Variants in FAAH2 observed in about 807,000 individuals in gnomAD.
FAAH2 encodes fatty acid amide hydrolase 2, also known as fatty-acid amide hydrolase 2.
FAAH2 carries 60 observed loss-of-function variants against 36.9 expected under a neutral mutation model. The observed-to-expected ratio is 1.63, with a 90% CI of 1.32 to 2.02. The LOEUF is 2.02. Ranked by LOEUF, FAAH2 falls within the 30% of genes most tolerant of loss-of-function variation. The pLI, the probability that FAAH2 is intolerant of heterozygous loss-of-function variation, is 0.00. For missense variants in FAAH2, 689 were observed against 397.5 expected (o/e 1.73, Z -6.23); for synonymous variants, 214 against 143.8 (o/e 1.49, Z -3.49).
chrX:57,177,356 A>G, the FAAH2 span, among the ~76,000 whole-genome samples: 10 of 106,852 alleles, frequency 9.4e-5, no homozygotes, highest in Non-Finnish European at 1.7e-4. Flanking sequence ...CCAAGTAGAG[A>G]AAGATTGTGA....
chrX:57,214,117 A>G, the FAAH2 span, among the ~76,000 whole-genome samples: 1 of 111,791 alleles, frequency 8.9e-6, no homozygotes, highest in Non-Finnish European at 1.9e-5. Context: ...ATATAAGTAT[A>G]GCTACTCTTC....
At chrX:57,404,348 T>C (rs1469654747) in intron 7 of FAAH2, among the ~76,000 whole-genome samples, 2 of 112,402 alleles carry the variant, frequency 1.8e-5, no homozygotes, top group Non-Finnish European at 3.8e-5. Flanking sequence ...TGTAGATGGA[T>C]TTTGGAAACA....
At chrX:57,286,009 T>C (rs2051804580), upstream of FAAH2, among the ~76,000 whole-genome samples, 1 of 111,676 alleles carries the variant, frequency 9.0e-6, no homozygotes, top group South Asian at 3.8e-4. Context: ...GAAGTGATTC[T>C]AGATTTTTGG....
chrX:57,323,278 G>T (rs930758407), intron 3 of FAAH2, among the ~76,000 whole-genome samples: 1 of 111,513 alleles, frequency 9.0e-6, no homozygotes, highest in Non-Finnish European at 1.9e-5. Context: ...ATTGTGAATA[G>T]TGTCACAATA....
the FAAH2 span, among the ~76,000 whole-genome samples, chrX:57,253,858 G>T: frequency 8.9e-6 from 1 of 111,770 alleles, no homozygotes; most frequent in Admixed American, 9.5e-5. Context: ...TGAAGAAATT[G>T]CATTAATTAA....
intron 3 of FAAH2, among the ~76,000 whole-genome samples, chrX:57,329,173 G>A (rs956664825): frequency 8.9e-6 from 1 of 112,360 alleles, no homozygotes; most frequent in Non-Finnish European, 1.9e-5. Flanking sequence ...ACAGCAATTG[G>A]CAATATTGAC....
intron 2 of FAAH2, among the ~76,000 whole-genome samples, chrX:57,303,811 A>G (rs1305813548): frequency 8.9e-6 from 1 of 112,135 alleles, no homozygotes; most frequent in Admixed American, 9.5e-5. Context: ...AACATAAGTA[A>G]GCTTCTAAAA....
At chrX:57,323,180 C>T (rs1286474520) in intron 3 of FAAH2, among the ~76,000 whole-genome samples, 1 of 111,166 alleles carries the variant, frequency 9.0e-6, no homozygotes, top group Admixed American at 9.6e-5. Flanking sequence ...TTTTTATGGC[C>T]ACATACTATT....
chrX:57,470,303 A>C (rs941097706), intron 10 of FAAH2, among the ~76,000 whole-genome samples: 1 of 111,648 alleles, frequency 9.0e-6, no homozygotes, highest in Non-Finnish European at 1.9e-5. Flanking sequence ...ATATCAACGA[A>C]TCCAGGAGCT....
At chrX:57,159,248 T>C in the FAAH2 span, among the ~76,000 whole-genome samples, 1 of 111,955 alleles carries the variant, frequency 8.9e-6, no homozygotes, top group African/African-American at 3.2e-5. Flanking sequence ...TGTAGCCTTG[T>C]AGTATAGTTT....
Position 57,292,541 on chromosome X carries a change from A to C in FAAH2, c.236A>C (p.Lys79Thr), listed in dbSNP as rs1569234826. The C allele has an allele frequency of 1.7e-6, 2 of 1,210,651 alleles. No individual in the cohort carries two copies. Among genetic ancestry groups the C allele is most frequent in the Non-Finnish European group, 2.2e-6 (2 of 894,711 alleles). The part of the protein sequence containing the change: ...DVVQAYINRI[K>T]DVNPMINGIV... ...GTTCAGGCTTATATCAACAGAATCAAGGACGTGAACCCAATGATCAATGGA... is the reference window on the plus strand; with the variant it reads ...GTTCAGGCTTATATCAACAGAATCACGGACGTGAACCCAATGATCAATGGA... The change falls in exon 2 of 11, where the codon AAG becomes ACG. Residue 79 changes from lysine (K) to threonine (T), a missense_variant. Physicochemically the swap from Lys to Thr is moderately conservative, Grantham distance 78 (BLOSUM62 -1). Coordinates refer to ENST00000374900, the MANE Select transcript of FAAH2 (RefSeq NM_174912.4).
At chrX:57,202,078 C>T in the FAAH2 span, among the ~76,000 whole-genome samples, 1 of 74,112 alleles carries the variant, frequency 1.3e-5, no homozygotes, top group Non-Finnish European at 2.1e-5. Context: ...CCTCACACAG[C>T]TATTTATAAA....
chrX:57,224,107 C>T, the FAAH2 span, among the ~76,000 whole-genome samples: 1 of 111,511 alleles, frequency 9.0e-6, no homozygotes, highest in African/African-American at 3.3e-5. Flanking sequence ...TTGGGGTCTC[C>T]ACCCTTACCA....
chrX:57,193,460 G>T, the FAAH2 span, among the ~76,000 whole-genome samples: 1 of 111,757 alleles, frequency 8.9e-6, no homozygotes, highest in Non-Finnish European at 1.9e-5. Context: ...TTTGCCTTGT[G>T]ATATTCTATT....
At chrX:57,431,700 GT>G (rs1359667258) in intron 7 of FAAH2, among the ~76,000 whole-genome samples, 1 of 109,304 alleles carries the variant, frequency 9.1e-6, no homozygotes, top group East Asian at 2.9e-4. Context: ...TTCTTAGCTT[GT>G]TTCAAGAGTT....
chrX:57,315,329 C>CA (rs1315856810), intron 3 of FAAH2, among the ~76,000 whole-genome samples: 1 of 110,433 alleles, frequency 9.1e-6, no homozygotes, highest in Admixed American at 9.7e-5. Context: ...ACCAGACATA[C>CA]AAAAAAGAGA....
At chrX:57,123,005 TA>T in the FAAH2 span, among the ~76,000 whole-genome samples, 2 of 112,082 alleles carry the variant, frequency 1.8e-5, no homozygotes, top group Admixed American at 9.4e-5. Flanking sequence ...TTTTCATTTT[TA>T]TTTTTTTAAA....
chrX:57,325,374 C>T (rs1373353525), intron 3 of FAAH2, among the ~76,000 whole-genome samples: 2 of 111,247 alleles, frequency 1.8e-5, no homozygotes, highest in Non-Finnish European at 3.8e-5. Context: ...AGGGAGGATT[C>T]CCTATTTTTC....
chrX:57,402,835 C>G (rs2055471918), intron 7 of FAAH2, among the ~76,000 whole-genome samples: 1 of 112,185 alleles, frequency 8.9e-6, no homozygotes, highest in Non-Finnish European at 1.9e-5. Flanking sequence ...TGGGAACTGC[C>G]TGGTGGCAGA....
Sources: gnomAD v4.1 joint callset for allele counts (sites outside exome capture counted in the v4.1 genomes callset) on GRCh38, gnomAD v4.1.1 for gene constraint, MANE v1.5 for transcripts, NCBI Gene and HGNC (gene_info 2026-07-23, HGNC 2026-07-21) for gene names.